The following DTWD2 variants were observed in gnomAD, a reference collection of about 807,000 sequenced individuals.
DTWD2 encodes tRNA-uridine aminocarboxypropyltransferase 2.
A neutral mutation model predicts 31.8 loss-of-function variants in DTWD2; 39 were observed. The observed-to-expected ratio is 1.22, with a 90% CI of 0.95 to 1.60. The LOEUF is 1.60. Ranked by LOEUF, DTWD2 falls within the 40% of genes most tolerant of loss-of-function variation. The pLI is 0.00. For synonymous variants in DTWD2, 180 were observed against 142.8 expected, an observed-to-expected ratio of 1.26 and a Z score of -1.86; for missense variants, 515 against 381.5, an observed-to-expected ratio of 1.35 and a Z score of -2.92.
At chr5:118,845,215 G>C (rs992686776) in intron 5 of DTWD2, among the ~76,000 whole-genome samples, 1 of 152,006 alleles carries the variant, frequency 6.6e-6, no homozygotes, top group African/African-American at 2.4e-5. Context: ...AAAAGAAAAA[G>C]AAAATTTACT....
rs1755070584 is a variant in DTWD2 at position 118,974,161 on chromosome 5, G to A, written c.218+14133C>T. Reference sequence around the variant, plus strand: ...AGGAAAAGTTAAACTAAAAAAAAAGGCCGCCTTGACCTATTCACCCTCCAC... The same window carrying A: ...AGGAAAAGTTAAACTAAAAAAAAAGACCGCCTTGACCTATTCACCCTCCAC... On this transcript the variant is annotated intron_variant, in intron 1 of 5. Coordinates refer to ENST00000510708, the MANE Select transcript of DTWD2 (RefSeq NM_173666.4). The A allele has an allele frequency of 2.6e-6, 4 of 1,528,396 alleles. No homozygotes were observed. The African/African-American group carries it at 5.5e-5, about 21-fold the overall frequency. The allele number at this position is 1,528,396 out of a possible 1,614,324, so 94.7% of individuals were successfully genotyped here.
At chr5:118,953,276 T>C (rs1188070408) in intron 1 of DTWD2, among the ~76,000 whole-genome samples, 1 of 152,244 alleles carries the variant, frequency 6.6e-6, no homozygotes, top group Non-Finnish European at 1.5e-5. Flanking sequence ...GTGGGTTTTA[T>C]TTTTCAAGTG....
At chr5:118,912,006 T>A (rs1488402221) in intron 4 of DTWD2, among the ~76,000 whole-genome samples, 1 of 152,208 alleles carries the variant, frequency 6.6e-6, no homozygotes, top group Admixed American at 6.5e-5. Context: ...AGAGGCATAT[T>A]TTTCTTCACA....
At chr5:118,899,975 T>A (rs1261004072) in intron 4 of DTWD2, among the ~76,000 whole-genome samples, 1 of 152,010 alleles carries the variant, frequency 6.6e-6, no homozygotes. Flanking sequence ...AAATTTTTTA[T>A]ACTTTTTGGT....
intron 1 of DTWD2, among the ~76,000 whole-genome samples, chr5:118,968,905 A>T (rs1040959403): frequency 6.6e-6 from 1 of 152,214 alleles, no homozygotes; most frequent in Non-Finnish European, 1.5e-5. Flanking sequence ...AGTGGCAGGA[A>T]GCTGGAGACT....
At chr5:118,975,033 T>C (rs1001946302) in intron 1 of DTWD2, among the ~76,000 whole-genome samples, 4 of 152,312 alleles carry the variant, frequency 2.6e-5, no homozygotes, top group African/African-American at 9.6e-5. Context: ...AGTATCTTTG[T>C]GGTGTTCTCT....
chr5:118,948,456 G>A (rs747493487), intron 1 of DTWD2, among the ~76,000 whole-genome samples: 7 of 152,132 alleles, frequency 4.6e-5, no homozygotes, highest in Non-Finnish European at 1.0e-4. Context: ...ACTCCAGCCT[G>A]GGCGACAAAG....
At chr5:118,950,385 AG>A (rs1272774828) in intron 1 of DTWD2, among the ~76,000 whole-genome samples, 1 of 152,136 alleles carries the variant, frequency 6.6e-6, no homozygotes, top group African/African-American at 2.4e-5. Flanking sequence ...TTGATTAAGA[AG>A]GGGACGGCCT....
At position 118,837,507 on chromosome 5, in the gene DTWD2, T is replaced by G. The variant is rs1411935382; in HGVS notation, c.*3410A>C. 2 of 152,198 alleles carry G rather than the reference T, an allele frequency of 1.3e-5. No individual in the cohort carries two copies. The allele number at this position is 152,198 out of a possible 1,614,324, so 9.4% of individuals were successfully genotyped here. ...CAACTACAGGCAAGGGTCAACAATT[T>G]AGCTCCCTGAAATTCAGCATCCCTG... is the stretch of plus-strand genomic sequence containing the variant. On this transcript the variant is annotated 3_prime_UTR_variant, in exon 6 of 6. Transcript: ENST00000510708.
intron 4 of DTWD2, among the ~76,000 whole-genome samples, chr5:118,899,415 T>C (rs1753153894): frequency 6.6e-6 from 1 of 152,228 alleles, no homozygotes; most frequent in South Asian, 2.1e-4. Flanking sequence ...AGTAGGAACC[T>C]AATCCTGTAT....
intron 4 of DTWD2, among the ~76,000 whole-genome samples, chr5:118,892,012 G>A (rs922714561): frequency 3.9e-5 from 6 of 152,040 alleles, no homozygotes; most frequent in Non-Finnish European, 8.8e-5. Flanking sequence ...TAAAAAAGGT[G>A]AAATTATTTT....
intron 4 of DTWD2, among the ~76,000 whole-genome samples, chr5:118,881,683 G>A (rs1752743727): frequency 6.6e-6 from 1 of 152,144 alleles, no homozygotes; most frequent in African/African-American, 2.4e-5. Flanking sequence ...AAGTGAAGGG[G>A]AAGCAGGCGC....
At chr5:118,963,308 A>G (rs1467507902) in intron 1 of DTWD2, among the ~76,000 whole-genome samples, 2 of 152,226 alleles carry the variant, frequency 1.3e-5, no homozygotes, top group African/African-American at 2.4e-5. Flanking sequence ...CTTGAAATAG[A>G]GTATGATTGC....
At chr5:118,856,159 T>C (rs1018514470) in intron 4 of DTWD2, among the ~76,000 whole-genome samples, 3 of 152,166 alleles carry the variant, frequency 2.0e-5, no homozygotes, top group Non-Finnish European at 4.4e-5. Context: ...TTTTCTGAAA[T>C]AGCCATTACT....
chr5:118,935,669 G>T (rs1451861976), intron 3 of DTWD2, among the ~76,000 whole-genome samples: 2 of 152,046 alleles, frequency 1.3e-5, no homozygotes, highest in African/African-American at 4.8e-5. Context: ...AATGATAAAA[G>T]GACTAGTGCA....
At chr5:118,899,658 G>A (rs1053659784) in intron 4 of DTWD2, among the ~76,000 whole-genome samples, 10 of 151,984 alleles carry the variant, frequency 6.6e-5, no homozygotes, top group African/African-American at 2.4e-4. Context: ...AGAATCCACA[G>A]ACCTCTTCAT....
intron 3 of DTWD2, 137 bp downstream of exon 3, chr5:118,939,059 G>T: frequency 4.9e-6 from 3 of 609,072 alleles, no homozygotes; most frequent in Middle Eastern, 3.9e-4. Flanking sequence ...GTGGTCAGGG[G>T]TTAGCAGAAC....
intron 4 of DTWD2, among the ~76,000 whole-genome samples, chr5:118,875,979 A>C (rs890775765): frequency 1.3e-5 from 2 of 152,220 alleles, no homozygotes; most frequent in Admixed American, 6.5e-5. Context: ...GCAAATGCAA[A>C]AGAACTAAAA....
intron 4 of DTWD2, among the ~76,000 whole-genome samples, chr5:118,878,454 G>T (rs756922034): frequency 6.6e-6 from 1 of 152,186 alleles, no homozygotes; most frequent in African/African-American, 2.4e-5. Context: ...TAACTGGCTA[G>T]TCATATGCAG....
Sources: gnomAD v4.1 joint callset for allele counts (sites outside exome capture counted in the v4.1 genomes callset) on GRCh38, gnomAD v4.1.1 for gene constraint, MANE v1.5 for transcripts, NCBI Gene and HGNC (gene_info 2026-07-23, HGNC 2026-07-21) for gene names.